Variants in SPATA13 observed in about 807,000 individuals in gnomAD.
The protein encoded by SPATA13 is spermatogenesis associated 13, also known as spermatogenesis-associated protein 13.
A neutral mutation model predicts 104.0 loss-of-function variants in SPATA13; 50 were observed. The ratio of observed to expected loss-of-function variants is 0.48; its 90% CI spans 0.38 to 0.61. The LOEUF (loss-of-function observed/expected upper bound fraction) is 0.61. Ranked by LOEUF, SPATA13 falls within the 20% of genes least tolerant of loss-of-function variation. SPATA13 has a pLI of 0.00. For synonymous variants in SPATA13, 606 were observed against 667.5 expected, an observed-to-expected ratio of 0.91 and a Z score of 1.42; for missense variants, 1,524 against 1,690.6, an observed-to-expected ratio of 0.90 and a Z score of 1.73.
intron 1 of SPATA13, among the ~76,000 whole-genome samples, chr13:24,195,698 T>C (rs1174648267): frequency 6.6e-6 from 1 of 152,216 alleles, no homozygotes; most frequent in African/African-American, 2.4e-5. Flanking sequence ...TGTTTCCCTT[T>C]CTCTGTCCCC....
chr13:24,299,761 C>T (rs1393596494), intron 11 of SPATA13, among the ~76,000 whole-genome samples: 4 of 152,208 alleles, frequency 2.6e-5, no homozygotes, highest in African/African-American at 9.6e-5. Context: ...CCAGCCCTGG[C>T]CATTCAGCTC....
At position 24,251,780 on chromosome 13, in the gene SPATA13, G is replaced by C; in HGVS notation, c.2082G>C (p.Arg694=). The change falls in exon 4 of 13, where the codon CGG becomes CGC. Residue 694 remains arginine (R), a synonymous_variant. Transcript: ENST00000382108. ...CACCCTACAAGGCTGTGTCGGCCCG[G>C]TTCCGGCCCTTCACATTCTCCCAGA... ...QVPPYKAVSA[R]FRPFTFSQST... is the part of the protein sequence containing the mutation. 1.2e-6 allele frequency: 2 copies of C among 1,614,206 alleles called. No homozygotes were observed. The highest frequency in any genetic ancestry group is 3.3e-4 in the Middle Eastern group (2 of 6,062).
At chr13:24,158,210 C>T (rs1435448013), upstream of SPATA13, among the ~76,000 whole-genome samples, 1 of 152,142 alleles carries the variant, frequency 6.6e-6, no homozygotes, top group Non-Finnish European at 1.5e-5. Context: ...AAAAGATCAG[C>T]AGAGAAGAAA....
intron 3 of SPATA13, among the ~76,000 whole-genome samples, chr13:24,133,816 G>C (rs980055490): frequency 2.6e-4 from 39 of 152,306 alleles, no homozygotes; most frequent in African/African-American, 8.9e-4. Context: ...ATGGTCCAAA[G>C]GGGCAAGGGG....
intron 3 of SPATA13, chr13:24,122,547 C>A: frequency 6.4e-7 from 1 of 1,567,776 alleles, no homozygotes; most frequent in Admixed American, 1.7e-5. Context: ...AGTGCCACGC[C>A]CTTTGCACTG....
At chr13:24,021,399 A>T (rs2137700508) in intron 3 of SPATA13, among the ~76,000 whole-genome samples, 1 of 152,362 alleles carries the variant, frequency 6.6e-6, no homozygotes, top group African/African-American at 2.4e-5. Context: ...AAGCTGAGTC[A>T]GGAGGATCAC....
At chr13:24,044,811 G>A (rs983354601) in intron 3 of SPATA13, among the ~76,000 whole-genome samples, 14 of 143,326 alleles carry the variant, frequency 9.8e-5, no homozygotes, top group East Asian at 4.4e-4. Flanking sequence ...CAAATACTGC[G>A]TGATCCCACT....
Position 24,297,730 on chromosome 13 carries a change from A to T in SPATA13, c.3578A>T (p.Glu1193Val). Residue 1193 changes from glutamate to valine, a missense_variant, in exon 11 of 13, where the codon GAG becomes GTG. Physicochemically the swap from Glu to Val is moderately radical, Grantham distance 121. Coordinates refer to ENST00000382108, the MANE Select transcript of SPATA13 (RefSeq NM_001166271.3). ...DERRRVQEDK[E>V]MGMEISENQK... ...AGGAGGCGGGTGCAAGAGGACAAGG[A>T]GATGGGTGAGCAGCCCTTGGCTCTG... 6.2e-7 allele frequency: 1 copy of T among 1,609,794 alleles called. No homozygotes were observed.
chr13:24,083,833 C>T lies in SPATA13; in HGVS notation c.-112+66132C>T, dbSNP rs141638971. ...GATAAAGCTCTAACTGCTCATTTCCCGGCTGCTCCTTCCCTTGTCACTGGG... is the reference window on the plus strand; with the variant it reads ...GATAAAGCTCTAACTGCTCATTTCCTGGCTGCTCCTTCCCTTGTCACTGGG... On this transcript the variant is annotated intron_variant, in intron 3 of 14. Coordinates refer to the SPATA13 transcript ENST00000424834. Among the ~76,000 whole-genome samples, 8 of 152,286 alleles carry T rather than the reference C, an allele frequency of 5.3e-5. No homozygotes were observed. The East Asian group carries it at 9.6e-4, about 18-fold the overall frequency.
intron 4 of SPATA13, among the ~76,000 whole-genome samples, chr13:24,280,585 G>T (rs1223724476): frequency 6.6e-6 from 1 of 151,778 alleles, no homozygotes; most frequent in Non-Finnish European, 1.5e-5. Context: ...GCTAAAATTG[G>T]AAGATTCCTG....
At chr13:24,183,907 C>A (rs1414939574) in intron 1 of SPATA13, among the ~76,000 whole-genome samples, 5 of 152,098 alleles carry the variant, frequency 3.3e-5, no homozygotes, top group Non-Finnish European at 7.3e-5. Context: ...TCAGACACAG[C>A]GTCACATGGT....
At chr13:24,188,948 G>A (rs931153410) in intron 1 of SPATA13, among the ~76,000 whole-genome samples, 2 of 152,166 alleles carry the variant, frequency 1.3e-5, no homozygotes, top group African/African-American at 4.8e-5. Flanking sequence ...ATGGAACAAA[G>A]CCTAGATGAC....
chr13:24,175,285 GA>G (rs962745762), intron 1 of SPATA13, among the ~76,000 whole-genome samples: 19 of 152,042 alleles, frequency 1.2e-4, no homozygotes, highest in African/African-American at 4.6e-4. Context: ...TTCTTTGGCA[GA>G]AAAAAGGAAA....
At chr13:24,195,578 G>T (rs1870011829) in intron 1 of SPATA13, among the ~76,000 whole-genome samples, 2 of 152,136 alleles carry the variant, frequency 1.3e-5, no homozygotes, top group African/African-American at 2.4e-5. Flanking sequence ...ATATAAGAGT[G>T]TTCTGATTTT....
chr13:24,033,843 G>A (rs1195762595), intron 3 of SPATA13: 2 of 152,254 alleles, frequency 1.3e-5, no homozygotes, highest in Non-Finnish European at 2.9e-5. Context: ...GGGAAATCAG[G>A]AGACTGGAGC....
chr13:24,024,966 A>G (rs987342250), intron 3 of SPATA13, among the ~76,000 whole-genome samples: 296 of 137,246 alleles, frequency 2.2e-3, no homozygotes, highest in African/African-American at 6.8e-3. Context: ...AAATATATAT[A>G]TAAACACAGA....
intron 3 of SPATA13, among the ~76,000 whole-genome samples, chr13:24,037,261 G>C (rs1037966274): frequency 6.7e-5 from 10 of 150,140 alleles, no homozygotes; most frequent in South Asian, 2.1e-4. Context: ...TAAATGACGA[G>C]TTAATGGGTG....
intron 3 of SPATA13, among the ~76,000 whole-genome samples, chr13:24,102,320 T>C (rs1880282498): frequency 6.6e-6 from 1 of 152,188 alleles, no homozygotes; most frequent in African/African-American, 2.4e-5. Flanking sequence ...CATTTTTAAA[T>C]TGGGTTATTT....
intron 1 of SPATA13, among the ~76,000 whole-genome samples, chr13:24,196,030 T>C (rs559399200): frequency 1.3e-5 from 2 of 152,322 alleles, no homozygotes; most frequent in African/African-American, 4.8e-5. Context: ...GTAACTTGAT[T>C]TTTGTGCCTT....
Sources: gnomAD v4.1 joint callset for allele counts (sites outside exome capture counted in the v4.1 genomes callset) on GRCh38, gnomAD v4.1.1 for gene constraint, MANE v1.5 for transcripts, NCBI Gene and HGNC (gene_info 2026-07-23, HGNC 2026-07-21) for gene names.